Variants in LOC112694756 observed in about 807,000 individuals in gnomAD.
the LOC112694756 span, chr16:30,058,925 G>T: frequency 1.5e-5 from 6 of 398,368 alleles, no homozygotes; most frequent in Non-Finnish European, 2.7e-5. Flanking sequence ...GATGGAGAAG[G>T]TCCCCAGCCT....
the LOC112694756 span, chr16:30,068,941 C>T: frequency 6.2e-7 from 1 of 1,614,130 alleles, no homozygotes; most frequent in East Asian, 2.2e-5. Context: ...ATGGAAAATG[C>T]CAATGTTCTG....
the LOC112694756 span, among the ~76,000 whole-genome samples, chr16:30,056,495 A>G: frequency 6.6e-6 from 1 of 152,166 alleles, no homozygotes; most frequent in Admixed American, 6.6e-5. Context: ...TTTTACATGT[A>G]TCTCTCATAT....
At chr16:30,068,633 C>T in the LOC112694756 span, 1 of 1,614,090 alleles carries the variant, frequency 6.2e-7, no homozygotes, top group South Asian at 1.1e-5. Context: ...TGTTGTTACC[C>T]TGACCCCAAC....
At chr16:30,068,907 C>G in the LOC112694756 span, 1 of 1,614,122 alleles carries the variant, frequency 6.2e-7, no homozygotes, top group Non-Finnish European at 8.5e-7. Flanking sequence ...GATTGGGGAA[C>G]ACACCCCCTC....
chr16:30,069,936 C>T, the LOC112694756 span: 259 of 1,613,936 alleles, frequency 1.6e-4, no homozygotes, highest in Admixed American at 1.3e-4. Flanking sequence ...CCTTCTCCTA[C>T]GGCCGAGCCC....
At chr16:30,068,728 C>T in the LOC112694756 span, 21 of 1,614,102 alleles carry the variant, frequency 1.3e-5, no homozygotes, top group African/African-American at 2.1e-4. Context: ...CTCTGCCCTA[C>T]GAACCCAACC....
chr16:30,057,306 G>C, the LOC112694756 span, among the ~76,000 whole-genome samples: 3 of 152,158 alleles, frequency 2.0e-5, no homozygotes, highest in Non-Finnish European at 2.9e-5. Context: ...CTGAAGTGGG[G>C]AGTAAGCTGG....
the LOC112694756 span, among the ~76,000 whole-genome samples, chr16:30,056,662 G>A: frequency 6.6e-6 from 1 of 152,030 alleles, no homozygotes; most frequent in African/African-American, 2.4e-5. Context: ...GTCTGGTGGT[G>A]CAATCATAGC....
chr16:30,054,583 G>A, the LOC112694756 span: 1 of 386,764 alleles, frequency 2.6e-6, no homozygotes, highest in African/African-American at 2.1e-5. Flanking sequence ...TGAAGTGCTT[G>A]ATGTTGCTGA....
the LOC112694756 span, among the ~76,000 whole-genome samples, chr16:30,054,244 C>T: frequency 6.6e-6 from 1 of 151,362 alleles, no homozygotes; most frequent in Non-Finnish European, 1.5e-5. Flanking sequence ...CGCTTGAACC[C>T]GGGTGGCAGA....
At chr16:30,069,506 C>G in the LOC112694756 span, 1 of 1,614,146 alleles carries the variant, frequency 6.2e-7, no homozygotes, top group Non-Finnish European at 8.5e-7. Context: ...CAGGTGCTGG[C>G]TGCTGTCTAC....
At chr16:30,069,383 C>G in the LOC112694756 span, 1 of 1,614,130 alleles carries the variant, frequency 6.2e-7, no homozygotes, top group Non-Finnish European at 8.5e-7. Context: ...AGTATGTGAC[C>G]GAGAAGGTAA....
At chr16:30,064,638 G>A in the LOC112694756 span, 10 of 395,308 alleles carry the variant, frequency 2.5e-5, no homozygotes, top group African/African-American at 2.1e-4. Flanking sequence ...CCCTGCCAGA[G>A]GATCCGTGGC....
the LOC112694756 span, among the ~76,000 whole-genome samples, chr16:30,058,131 C>A: frequency 6.6e-6 from 1 of 152,158 alleles, no homozygotes; most frequent in Non-Finnish European, 1.5e-5. Flanking sequence ...TTCCCACCTT[C>A]CCCACAGAGG....
chr16:30,068,517 C>G, the LOC112694756 span: 29 of 1,046,766 alleles, frequency 2.8e-5, no homozygotes, highest in Non-Finnish European at 4.0e-5. Context: ...GCGGGAGGAT[C>G]ACTTGAGTCC....
At chr16:30,067,517 C>T in the LOC112694756 span, 2 of 1,613,896 alleles carry the variant, frequency 1.2e-6, no homozygotes, top group Non-Finnish European at 1.7e-6. Flanking sequence ...GCTTCTACCG[C>T]CAGCTGCTGC....
chr16:30,066,774 TG>T, the LOC112694756 span: 1 of 1,271,962 alleles, frequency 7.9e-7, no homozygotes, highest in African/African-American at 1.5e-5. Flanking sequence ...CTGTGTGGCT[TG>T]AAGCACAGAC....
chr16:30,066,770 G>T, the LOC112694756 span: 3 of 1,209,278 alleles, frequency 2.5e-6, no homozygotes, highest in Non-Finnish European at 3.4e-6. Context: ...GTTGCTGTGT[G>T]GCTTGAAGCA....
At chr16:30,054,761 C>T in the LOC112694756 span, 1 of 399,302 alleles carries the variant, frequency 2.5e-6, no homozygotes, top group Non-Finnish European at 4.4e-6. Flanking sequence ...TCCTTGTCAC[C>T]CCTTCCTCCT....
Sources: gnomAD v4.1 joint callset for allele counts (sites outside exome capture counted in the v4.1 genomes callset) on GRCh38, gnomAD v4.1.1 for gene constraint, MANE v1.5 for transcripts.